Variants in ATOSA observed in about 807,000 individuals in gnomAD.
The protein encoded by ATOSA is atos homolog A.
the ATOSA span, among the ~76,000 whole-genome samples, chr15:52,599,340 C>G: frequency 6.6e-6 from 1 of 152,126 alleles, no homozygotes; most frequent in Non-Finnish European, 1.5e-5. Flanking sequence ...GAACTGATAC[C>G]TTGGAATTGA....
the ATOSA span, among the ~76,000 whole-genome samples, chr15:52,651,255 C>T: frequency 6.6e-6 from 1 of 152,098 alleles, no homozygotes; most frequent in South Asian, 2.1e-4. Context: ...ACTGACTTTG[C>T]GGTTGAATTA....
the ATOSA span, among the ~76,000 whole-genome samples, chr15:52,641,767 C>T: frequency 6.6e-6 from 1 of 152,172 alleles, no homozygotes; most frequent in African/African-American, 2.4e-5. Flanking sequence ...ACAGAAACAA[C>T]ACATTTTCTG....
At chr15:52,619,634 A>C in the ATOSA span, among the ~76,000 whole-genome samples, 2 of 152,062 alleles carry the variant, frequency 1.3e-5, no homozygotes, top group African/African-American at 4.8e-5. Flanking sequence ...GGGGTTCGAG[A>C]CCAGCCTGAC....
At chr15:52,662,619 A>C in the ATOSA span, among the ~76,000 whole-genome samples, 1 of 151,986 alleles carries the variant, frequency 6.6e-6, no homozygotes, top group Non-Finnish European at 1.5e-5. Flanking sequence ...AAATACAAAA[A>C]ATTAGCAGGG....
At chr15:52,585,058 TA>T in the ATOSA span, 19 of 751,868 alleles carry the variant, frequency 2.5e-5, no homozygotes, top group Non-Finnish European at 3.3e-5. Flanking sequence ...TACCACTGAA[TA>T]TAATTCAGTT....
the ATOSA span, chr15:52,582,152 TATC>T: frequency 1.3e-6 from 2 of 1,566,964 alleles, no homozygotes; most frequent in Non-Finnish European, 1.7e-6. Flanking sequence ...CATCACTCCT[TATC>T]AACATCTTGG....
At chr15:52,653,038 C>T in the ATOSA span, among the ~76,000 whole-genome samples, 13 of 152,150 alleles carry the variant, frequency 8.5e-5, no homozygotes, top group African/African-American at 2.7e-4. Context: ...GTGGTTCAAA[C>T]GTTTAAAGCA....
the ATOSA span, chr15:52,608,591 G>T: frequency 3.2e-6 from 5 of 1,577,494 alleles, no homozygotes; most frequent in Non-Finnish European, 4.3e-6. Flanking sequence ...TTTTTTGGTT[G>T]CTCACATGTA....
chr15:52,624,960 G>A, the ATOSA span, among the ~76,000 whole-genome samples: 26 of 152,006 alleles, frequency 1.7e-4, no homozygotes, highest in African/African-American at 6.0e-4. Context: ...TGTATTTTTA[G>A]TAGAGATGGG....
At chr15:52,657,278 T>C in the ATOSA span, 1 of 152,222 alleles carries the variant, frequency 6.6e-6, no homozygotes, top group Non-Finnish European at 1.5e-5. Context: ...TTCTGGAGAA[T>C]GTTAACAGAA....
chr15:52,651,838 A>C, the ATOSA span: 6 of 1,533,750 alleles, frequency 3.9e-6, no homozygotes, highest in Non-Finnish European at 5.2e-6. Context: ...AAGCTTAAAA[A>C]TAAAGCCGTT....
At chr15:52,686,882 C>T in the ATOSA span, among the ~76,000 whole-genome samples, 1 of 152,210 alleles carries the variant, frequency 6.6e-6, no homozygotes, top group Non-Finnish European at 1.5e-5. Context: ...GAAAAGAGAA[C>T]ATTAGCCTTC....
At chr15:52,664,709 G>A in the ATOSA span, among the ~76,000 whole-genome samples, 273 of 152,310 alleles carry the variant, frequency 1.8e-3, 1 homozygote, top group East Asian at 0.025. Context: ...TGGGGAAGCT[G>A]AGGCAGGAGG....
the ATOSA span, among the ~76,000 whole-genome samples, chr15:52,601,918 C>A: frequency 6.6e-6 from 1 of 152,112 alleles, no homozygotes; most frequent in African/African-American, 2.4e-5. Context: ...ACAAGTGTAC[C>A]ATGTTATTTA....
the ATOSA span, chr15:52,593,472 G>T: frequency 9.1e-7 from 1 of 1,100,192 alleles, no homozygotes; most frequent in Non-Finnish European, 1.3e-6. Context: ...TTTGTATTCA[G>T]CTGTTAGGAA....
chr15:52,629,506 T>TA, the ATOSA span, among the ~76,000 whole-genome samples: 1,000 of 139,120 alleles, frequency 7.2e-3, 5 homozygotes, highest in African/African-American at 0.013. Context: ...TAAGGGTAGT[T>TA]AAAAAAAAAA....
the ATOSA span, among the ~76,000 whole-genome samples, chr15:52,627,908 C>T: frequency 6.6e-6 from 1 of 152,046 alleles, no homozygotes; most frequent in Non-Finnish European, 1.5e-5. Context: ...AAAGTAGGTC[C>T]CTCTCAATCT....
chr15:52,705,215 T>A, the ATOSA span, among the ~76,000 whole-genome samples: 1 of 152,134 alleles, frequency 6.6e-6, no homozygotes, highest in East Asian at 1.9e-4. Flanking sequence ...GGGACATGGA[T>A]GAAGCTGGAA....
the ATOSA span, among the ~76,000 whole-genome samples, chr15:52,627,581 T>C: frequency 1.2e-4 from 18 of 152,208 alleles, no homozygotes; most frequent in Middle Eastern, 6.8e-3. Flanking sequence ...AACTGAAGAA[T>C]TCACATATTA....
Sources: gnomAD v4.1 joint callset for allele counts (sites outside exome capture counted in the v4.1 genomes callset) on GRCh38, gnomAD v4.1.1 for gene constraint, MANE v1.5 for transcripts, NCBI Gene and HGNC (gene_info 2026-07-23, HGNC 2026-07-21) for gene names.